Variants in BCL7C observed in about 807,000 individuals in gnomAD.
BCL7C encodes B-cell CLL/lymphoma 7 protein family member C.
In BCL7C, 8 loss-of-function variants were observed where a neutral mutation model predicts 26.2. The observed-to-expected ratio is 0.30, with a 90% CI of 0.18 to 0.55. The LOEUF (loss-of-function observed/expected upper bound fraction) is 0.55. Among genes scored for constraint, BCL7C ranks in the 20% least tolerant of loss-of-function variants. The probability of loss-of-function intolerance (pLI) is 0.93; values close to 1 mark genes in which losing one functional copy is unlikely to be tolerated. For missense variants in BCL7C, 262 were observed against 298.5 expected (o/e 0.88, Z 0.90); for synonymous variants, 90 against 116.5 (o/e 0.77, Z 1.47).
intron 5 of BCL7C, among the ~76,000 whole-genome samples, chr16:30,873,635 G>C (rs979911394): frequency 6.6e-6 from 1 of 151,758 alleles, no homozygotes; most frequent in African/African-American, 2.4e-5. Flanking sequence ...GATCACTTTT[G>C]AGCTCAGGAG....
downstream of BCL7C, among the ~76,000 whole-genome samples, chr16:30,885,865 G>T (rs1200247426): frequency 2.0e-5 from 3 of 152,130 alleles, no homozygotes; most frequent in Non-Finnish European, 4.4e-5. Flanking sequence ...TCCTTTGTTT[G>T]TTTAGACACA....
In BCL7C at chr16:30,850,209, C is replaced by CA. The variant is rs778231654; in HGVS notation, c.529-15062dup. ...TGGGTGACTGAGCGAGACTCCATCT[C>CA]AAAAAAAAAAAAAAAAAAGAAAAGA... On this transcript the variant is annotated intron_variant, in intron 5 of 5. Transcript: ENST00000380317. Among the ~76,000 whole-genome samples the CA allele has an allele frequency of 3.6e-3, 309 of 86,242 alleles. 3 individuals carry two copies. The highest frequency in any genetic ancestry group is 0.023 in the East Asian group (41 of 1,774). 56.6% of individuals were successfully genotyped at this position (86,242 alleles called of 152,430 possible).
At chr16:30,879,022 A>G (rs1051452958) in intron 5 of BCL7C, among the ~76,000 whole-genome samples, 1 of 152,152 alleles carries the variant, frequency 6.6e-6, no homozygotes, top group Non-Finnish European at 1.5e-5. Context: ...GTTTAAGGAA[A>G]ATCATTCTGT....
intron 5 of BCL7C, among the ~76,000 whole-genome samples, chr16:30,859,601 A>G (rs1204727354): frequency 6.6e-6 from 1 of 151,082 alleles, no homozygotes; most frequent in Admixed American, 6.6e-5. Context: ...TTCCTGCCCC[A>G]CTCTAACTGA....
intron 5 of BCL7C, among the ~76,000 whole-genome samples, chr16:30,874,211 G>C (rs964269492): frequency 3.3e-5 from 5 of 151,890 alleles, no homozygotes; most frequent in Admixed American, 2.6e-4. Flanking sequence ...GGCCAGACTG[G>C]TCTTGAACTC....
chr16:30,865,734 T>C (rs969673303), intron 5 of BCL7C, among the ~76,000 whole-genome samples: 82 of 145,530 alleles, frequency 5.6e-4, no homozygotes, highest in Non-Finnish European at 1.0e-3. Context: ...TTTCTTTTTT[T>C]TTTTTTTTTT....
intron 5 of BCL7C, among the ~76,000 whole-genome samples, chr16:30,853,937 A>G (rs891004993): frequency 2.0e-5 from 3 of 152,188 alleles, no homozygotes; most frequent in Non-Finnish European, 4.4e-5. Flanking sequence ...TAAGTCATGG[A>G]CCAACCTTTT....
downstream of BCL7C, among the ~76,000 whole-genome samples, chr16:30,884,388 C>T (rs1036959257): frequency 6.6e-6 from 1 of 151,782 alleles, no homozygotes; most frequent in Non-Finnish European, 1.5e-5. Context: ...TTATTGAGCA[C>T]TTACTACGTC....
intron 5 of BCL7C, among the ~76,000 whole-genome samples, chr16:30,843,387 C>T (rs945065955): frequency 6.6e-6 from 1 of 151,942 alleles, no homozygotes; most frequent in Non-Finnish European, 1.5e-5. Flanking sequence ...ATAGTGAGAC[C>T]TTGTCTCTAC....
At chr16:30,870,555 A>T (rs2054874092) in intron 5 of BCL7C, among the ~76,000 whole-genome samples, 3 of 152,100 alleles carry the variant, frequency 2.0e-5, no homozygotes, top group Admixed American at 1.3e-4. Flanking sequence ...CACGCCTGTA[A>T]TCCCAGCTAC....
At chr16:30,892,815 C>G (rs769126498) in intron 3 of BCL7C, 25 bp downstream of exon 3, 2 of 1,613,840 alleles carry the variant, frequency 1.2e-6, no homozygotes, top group East Asian at 2.2e-5. Flanking sequence ...CCCACAGCCC[C>G]CCGCGTTTCA....
At chr16:30,884,124 CA>C (rs748829653), downstream of BCL7C, among the ~76,000 whole-genome samples, 1,285 of 54,778 alleles carry the variant, frequency 0.023, 2 homozygotes, top group Non-Finnish European at 0.031. Context: ...AACTCCGTCT[CA>C]AAAAAAAAAA....
intron 5 of BCL7C, 53 bp downstream of exon 5, chr16:30,888,807 A>G (rs1005003745): frequency 1.9e-5 from 29 of 1,565,648 alleles, no homozygotes; most frequent in Non-Finnish European, 2.5e-5. Context: ...TCGACTGCCC[A>G]GATCCCCCAT....
rs1227457817 is a variant in BCL7C at position 30,834,376 on chromosome 16, G to A, written c.*572C>T. On this transcript the variant is annotated 3_prime_UTR_variant, in exon 6 of 6. Coordinates refer to the BCL7C transcript ENST00000380317. The surrounding 1 kb of genome is among the most constrained non-coding windows in gnomAD (Gnocchi z 4.3). ...GGTCTCCCAGCGCTGGCATACATAA[G>A]CCCTGGCGTGCGGGGCGGCTTCTGC... 6.6e-6 allele frequency: 1 copy of A among 152,308 alleles called. No individual in the cohort carries two copies. The highest frequency in any genetic ancestry group is 1.9e-4 in the East Asian group (1 of 5,200). 9.4% of individuals were successfully genotyped at this position (152,308 alleles called of 1,614,324 possible). A position where few individuals can be genotyped will look rare whatever the true frequency, so the allele number is the denominator to read the frequency against.
At chr16:30,853,070 G>T (rs2054690600) in intron 5 of BCL7C, among the ~76,000 whole-genome samples, 1 of 151,538 alleles carries the variant, frequency 6.6e-6, no homozygotes, top group Non-Finnish European at 1.5e-5. Flanking sequence ...CGAGTAGCTG[G>T]GATTACAGAC....
At chr16:30,856,725 T>G (rs775909311) in intron 5 of BCL7C, among the ~76,000 whole-genome samples, 2 of 152,176 alleles carry the variant, frequency 1.3e-5, no homozygotes, top group Non-Finnish European at 2.9e-5. Context: ...TGTGTCTCAG[T>G]GTTCCAAAGA....
intron 5 of BCL7C, among the ~76,000 whole-genome samples, chr16:30,849,918 T>C (rs1458046045): frequency 1.3e-5 from 2 of 152,180 alleles, no homozygotes; most frequent in East Asian, 3.9e-4. Flanking sequence ...CTCAAACTTC[T>C]GGGCTGAAGA....
intron 5 of BCL7C, among the ~76,000 whole-genome samples, chr16:30,874,389 G>A (rs1001426391): frequency 9.9e-5 from 15 of 152,132 alleles, no homozygotes; most frequent in African/African-American, 3.4e-4. Context: ...GGCCGAGGCA[G>A]GAGGATCGCT....
chr16:30,854,148 A>T (rs1313777460), intron 5 of BCL7C, among the ~76,000 whole-genome samples: 1 of 152,148 alleles, frequency 6.6e-6, no homozygotes, highest in East Asian at 1.9e-4. Context: ...TACCTCCATG[A>T]TCCATTGGTT....
Sources: gnomAD v4.1 joint callset for allele counts (sites outside exome capture counted in the v4.1 genomes callset) on GRCh38, gnomAD v4.1.1 for gene constraint, Gnocchi (gnomAD v3.1) non-coding constraint, MANE v1.5 for transcripts, NCBI Gene and HGNC (gene_info 2026-07-23, HGNC 2026-07-21) for gene names.